SLC25A37: variants seen among roughly 807,000 people sequenced by gnomAD.
The protein encoded by SLC25A37 is solute carrier family 25 member 37.
A neutral mutation model predicts 31.0 loss-of-function variants in SLC25A37; 17 were observed. The ratio of observed to expected loss-of-function variants is 0.55; its 90% CI spans 0.38 to 0.82. SLC25A37 has a LOEUF of 0.82. Among genes scored for constraint, SLC25A37 ranks in the 40% least tolerant of loss-of-function variants. The pLI is 0.00. For synonymous variants in SLC25A37, 222 were observed against 193.0 expected (o/e 1.15, Z -1.24); for missense variants, 404 against 465.8 (o/e 0.87, Z 1.22).
chr8:23,534,616 G>T (rs187838341), intron 1 of SLC25A37, among the ~76,000 whole-genome samples: 228 of 152,252 alleles, frequency 1.5e-3, no homozygotes, highest in African/African-American at 5.2e-3. Flanking sequence ...CTTGCTAAGG[G>T]TTGGGAGCAT....
intron 1 of SLC25A37, among the ~76,000 whole-genome samples, chr8:23,546,330 A>G (rs1403028775): frequency 6.6e-6 from 1 of 151,432 alleles, no homozygotes; most frequent in Non-Finnish European, 1.5e-5. Context: ...AAATAAAAGA[A>G]CAGAAAATGA....
At position 23,574,054 on chromosome 8, in the gene SLC25A37, A is replaced by T. The variant is rs1278457133; in HGVS notation, c.*2199A>T. On this transcript the variant is annotated 3_prime_UTR_variant, in exon 4 of 4. Coordinates refer to ENST00000519973, the MANE Select transcript of SLC25A37 (RefSeq NM_016612.4). ...ATTATCCTACCACCCCTTTTGGTCCACTTAAGATATGCCACGCTGAAGCAA... is the reference window on the plus strand; with the variant it reads ...ATTATCCTACCACCCCTTTTGGTCCTCTTAAGATATGCCACGCTGAAGCAA... The T allele has an allele frequency of 2.9e-6, 1 of 348,014 alleles. No individual in the cohort carries two copies. Among genetic ancestry groups the T allele is most frequent in the Non-Finnish European group, 5.8e-6 (1 of 172,188 alleles). 21.6% of individuals were successfully genotyped at this position (348,014 alleles called of 1,614,324 possible).
intron 1 of SLC25A37, among the ~76,000 whole-genome samples, chr8:23,554,222 T>C (rs1212987746): frequency 2.0e-5 from 3 of 152,208 alleles, no homozygotes; most frequent in African/African-American, 7.2e-5. Context: ...TTTTTATTGT[T>C]ATAATTATTT....
Position 23,571,904 on chromosome 8 carries a change from C to T in SLC25A37, c.*49C>T, listed in dbSNP as rs371461718. 6 of 1,582,218 alleles carry T rather than the reference C, an allele frequency of 3.8e-6. No individual in the cohort carries two copies. The African/African-American group carries it at 8.1e-5, about 21-fold the overall frequency. On this transcript the variant is annotated 3_prime_UTR_variant, in exon 4 of 4. Transcript: ENST00000519973. ...CTTAAAGTCATTCTCTGCCTGCATC[C>T]AGCCCCTTGCCCTCTCCTCACACGT...
At chr8:23,540,721 T>A (rs984516128) in intron 1 of SLC25A37, among the ~76,000 whole-genome samples, 4 of 152,180 alleles carry the variant, frequency 2.6e-5, no homozygotes, top group African/African-American at 9.7e-5. Context: ...TGTATATAAG[T>A]CACTTACTGG....
chr8:23,567,956 G>T, intron 2 of SLC25A37: 1 of 333,922 alleles, frequency 3.0e-6, no homozygotes, highest in Non-Finnish European at 5.9e-6. Context: ...GTGAGTTAAT[G>T]TGTAGACAAA....
At chr8:23,533,403 G>A (rs1322823984) in intron 1 of SLC25A37, among the ~76,000 whole-genome samples, 2 of 152,200 alleles carry the variant, frequency 1.3e-5, no homozygotes, top group Non-Finnish European at 2.9e-5. Context: ...CCTGGGGTGG[G>A]GGATGTGCGT....
chr8:23,546,309 T>C (rs1802036300), intron 1 of SLC25A37, among the ~76,000 whole-genome samples: 1 of 151,500 alleles, frequency 6.6e-6, no homozygotes, highest in South Asian at 2.1e-4. Flanking sequence ...TCTAAAAATA[T>C]TAAAATGAAT....
intron 1 of SLC25A37, among the ~76,000 whole-genome samples, chr8:23,534,615 G>A (rs1037868851): frequency 2.6e-5 from 4 of 152,248 alleles, no homozygotes; most frequent in East Asian, 1.9e-4. Flanking sequence ...TCTTGCTAAG[G>A]GTTGGGAGCA....
chr8:23,543,364 C>T (rs28866473), intron 1 of SLC25A37, among the ~76,000 whole-genome samples: 56,695 of 151,726 alleles, frequency 0.37, 12,205 homozygotes, highest in East Asian at 0.61. Flanking sequence ...CACGCCCAAC[C>T]TTGAAATTTA....
At chr8:23,544,871 TG>T (rs1204127333) in intron 1 of SLC25A37, among the ~76,000 whole-genome samples, 1 of 152,198 alleles carries the variant, frequency 6.6e-6, no homozygotes, top group Non-Finnish European at 1.5e-5. Flanking sequence ...ATTCCCTGTT[TG>T]ACTGCCTGGT....
intron 1 of SLC25A37, among the ~76,000 whole-genome samples, chr8:23,550,567 G>A (rs1323427645): frequency 6.6e-6 from 1 of 152,258 alleles, no homozygotes; most frequent in Non-Finnish European, 1.5e-5. Context: ...CACCTGGCTT[G>A]GGAGACGGCA....
intron 3 of SLC25A37, among the ~76,000 whole-genome samples, chr8:23,570,481 TAAAC>T (rs2117465637): frequency 6.6e-6 from 1 of 152,240 alleles, no homozygotes; most frequent in African/African-American, 2.4e-5. Context: ...AATGCCCAAA[TAAAC>T]ATTCGCTTAC....
chr8:23,550,813 A>G (rs1047804486), intron 1 of SLC25A37, among the ~76,000 whole-genome samples: 1 of 152,222 alleles, frequency 6.6e-6, no homozygotes, highest in Non-Finnish European at 1.5e-5. Flanking sequence ...TAGTACCCAG[A>G]TTCCAAGGGA....
At position 23,572,958 on chromosome 8, in the gene SLC25A37, C is replaced by G. The variant is rs745958579; in HGVS notation, c.*1103C>G. The stretch of plus-strand genomic sequence containing the variant: ...GATAAATCCTACCTTCATCCTAGGA[C>G]TTATTTCTGCATCAGCCTTTTAACT... On this transcript the variant is annotated 3_prime_UTR_variant, in exon 4 of 4. Transcript: ENST00000519973. 1 of 152,258 alleles carries G rather than the reference C, an allele frequency of 6.6e-6. No individual in the cohort carries two copies. The highest frequency in any genetic ancestry group is 1.5e-5 in the Non-Finnish European group (1 of 68,054). 9.4% of individuals were successfully genotyped at this position (152,258 alleles called of 1,614,324 possible).
chr8:23,552,412 G>T (rs1414989839), intron 1 of SLC25A37, among the ~76,000 whole-genome samples: 1 of 152,116 alleles, frequency 6.6e-6, no homozygotes, highest in Admixed American at 6.5e-5. Context: ...ATAGGATTTC[G>T]ACCTTGTGGT....
intron 3 of SLC25A37, among the ~76,000 whole-genome samples, chr8:23,569,258 C>T (rs1415071725): frequency 2.0e-5 from 3 of 152,116 alleles, no homozygotes; most frequent in Non-Finnish European, 2.9e-5. Context: ...GCAAGACTGC[C>T]TCAAAACAGA....
rs10682781 is a variant in SLC25A37 at position 23,546,521 on chromosome 8, A to AAG, written c.210+17309_210+17310insAG. ...TGTATATATATATATAGGTATATAT[A>AAG]TATATAGGTGTATATATATATATAT... On this transcript the variant is annotated intron_variant, in intron 1 of 3. Coordinates refer to ENST00000519973, the MANE Select transcript of SLC25A37 (RefSeq NM_016612.4). 2.5e-5 allele frequency among the ~76,000 whole-genome samples: 3 copies of AAG among 118,786 alleles called. No homozygotes were observed. In the Admixed American group the frequency reaches 2.8e-4, roughly 11 times the overall value. The allele number at this position is 118,786 out of a possible 152,430, so 77.9% of individuals were successfully genotyped here.
chr8:23,534,190 C>T (rs978619565), intron 1 of SLC25A37, among the ~76,000 whole-genome samples: 4 of 152,070 alleles, frequency 2.6e-5, no homozygotes, highest in African/African-American at 4.8e-5. Context: ...TGGGCTCAAG[C>T]GATCCTCCCA....
Sources: gnomAD v4.1 joint callset for allele counts (sites outside exome capture counted in the v4.1 genomes callset) on GRCh38, gnomAD v4.1.1 for gene constraint, MANE v1.5 for transcripts, NCBI Gene and HGNC (gene_info 2026-07-23, HGNC 2026-07-21) for gene names.